Variants in VPS13A observed in about 807,000 individuals in gnomAD.
The protein encoded by VPS13A is vacuolar protein sorting 13 homolog A, also known as intermembrane lipid transfer protein VPS13A.
A neutral mutation model predicts 390.9 loss-of-function variants in VPS13A; 264 were observed. That is an observed-to-expected ratio of 0.68 (90% CI 0.61 to 0.75). VPS13A has a LOEUF of 0.75. Ranked by LOEUF, VPS13A falls within the 30% of genes least tolerant of loss-of-function variation. The pLI, the probability that VPS13A is intolerant of heterozygous loss-of-function variation, is 0.00. For missense variants in VPS13A, 3,409 were observed against 3,733.9 expected, an observed-to-expected ratio of 0.91 and a Z score of 2.27; for synonymous variants, 1,231 against 1,227.1, an observed-to-expected ratio of 1.00 and a Z score of -0.07.
intron 58 of VPS13A, 109 bp from the exon 59 acceptor site, chr9:77,360,427 C>T (rs1045294362): frequency 2.5e-6 from 2 of 815,560 alleles, no homozygotes; most frequent in Non-Finnish European, 4.1e-6. Context: ...CTAAATAGTC[C>T]TAAGTTTCAA....
intron 23 of VPS13A, among the ~76,000 whole-genome samples, chr9:77,270,239 G>A (rs573535062): frequency 1.9e-3 from 292 of 152,244 alleles, no homozygotes; most frequent in Non-Finnish European, 3.3e-3. Flanking sequence ...AGATTCTATC[G>A]TTTAATAAAT....
intron 1 of VPS13A, among the ~76,000 whole-genome samples, chr9:77,197,578 A>C (rs1445422170): frequency 6.6e-6 from 1 of 152,100 alleles, no homozygotes; most frequent in Non-Finnish European, 1.5e-5. Flanking sequence ...TATAGGTTGA[A>C]TATGCCTTAT....
At chr9:77,230,089 A>G (rs1014418472) in intron 17 of VPS13A, among the ~76,000 whole-genome samples, 4 of 151,898 alleles carry the variant, frequency 2.6e-5, no homozygotes, top group African/African-American at 4.8e-5. Context: ...AGAAATGTCT[A>G]TTAGATTTTT....
At position 77,247,380 on chromosome 9, in the gene VPS13A, C is replaced by T. The variant is rs1490750118; in HGVS notation, c.2022C>T (p.Asp674=). 6.2e-7 allele frequency: 1 copy of T among 1,611,940 alleles called. No homozygotes were observed. Among genetic ancestry groups the T allele is most frequent in the Non-Finnish European group, 8.5e-7 (1 of 1,178,990 alleles). The change falls in exon 20 of 72, where the codon GAC becomes GAT. Residue 674 remains aspartate (D), a synonymous_variant. Transcript: ENST00000360280. The stretch of plus-strand genomic sequence containing the variant: ...CTACATCAAATCTGCTTCTTTTGGA[C>T]CTTGGTCATCTAAAGGTATATACTA... ...FSPTSNLLLL[D]LGHLKVTSKS...
At chr9:77,250,399 C>G (rs1037920977) in intron 21 of VPS13A, among the ~76,000 whole-genome samples, 170 bp downstream of exon 21, 10 of 152,162 alleles carry the variant, frequency 6.6e-5, no homozygotes, top group Non-Finnish European at 1.5e-4. Flanking sequence ...CTTGCCCCCC[C>G]AAGAGACATT....
chr9:77,290,591 TCCC>T (rs1827594245), intron 31 of VPS13A, among the ~76,000 whole-genome samples: 1 of 152,118 alleles, frequency 6.6e-6, no homozygotes, highest in African/African-American at 2.4e-5. Context: ...CTGTTTATAG[TCCC>T]ACAGCCTTTG....
intron 67 of VPS13A, among the ~76,000 whole-genome samples, chr9:77,379,526 C>T (rs185421472): frequency 6.6e-6 from 1 of 152,206 alleles, no homozygotes; most frequent in Non-Finnish European, 1.5e-5. Flanking sequence ...AGGAATGAGC[C>T]ACCACGCCCG....
intron 68 of VPS13A, chr9:77,382,444 G>T: frequency 7.2e-7 from 1 of 1,387,524 alleles, no homozygotes; most frequent in Non-Finnish European, 9.3e-7. Context: ...TAATGAATCT[G>T]GTTTTTTTAT....
chr9:77,288,213 C>T (rs528897975), intron 31 of VPS13A, among the ~76,000 whole-genome samples: 23 of 152,088 alleles, frequency 1.5e-4, no homozygotes, highest in Non-Finnish European at 2.2e-4. Flanking sequence ...GCCTGGTTAA[C>T]GATGTATCGA....
intron 59 of VPS13A, among the ~76,000 whole-genome samples, chr9:77,363,934 A>C (rs1401635016): frequency 6.6e-6 from 1 of 152,168 alleles, no homozygotes. Flanking sequence ...CTTCTATTTG[A>C]GTAACACCCC....
intron 31 of VPS13A, among the ~76,000 whole-genome samples, chr9:77,292,594 C>G (rs12551400): frequency 0.27 from 41,073 of 151,960 alleles, 6,642 homozygotes; most frequent in East Asian, 0.51. Context: ...TCACTTATAC[C>G]TCTGGTTCTG....
chr9:77,316,256 A>C lies in VPS13A; in HGVS notation c.4713A>C (p.Lys1571Asn). The change falls in exon 39 of 72, where the codon AAA (lysine) becomes AAC (asparagine). Residue 1571 changes from lysine to asparagine, a missense_variant. This residue lies in a region of VPS13A where 2,717 missense variants were observed against 2,917.4 expected (regional missense o/e 0.93). Transcript: ENST00000360280. ...PEIVFVADMT[K>N]NDAPALVITT... Reference sequence around the variant, plus strand: ...TTGTGTTTGTAGCTGACATGACAAAAAATGATGCTCCTGCTTTAGTCATTA... The same window carrying C: ...TTGTGTTTGTAGCTGACATGACAAACAATGATGCTCCTGCTTTAGTCATTA... The C allele has an allele frequency of 6.2e-7, 1 of 1,613,330 alleles. No individual in the cohort carries two copies. The highest frequency in any genetic ancestry group is 8.5e-7 in the Non-Finnish European group (1 of 1,179,456).
chr9:77,217,298 C>T (rs902222765), intron 10 of VPS13A, among the ~76,000 whole-genome samples: 1 of 152,146 alleles, frequency 6.6e-6, no homozygotes, highest in Admixed American at 6.5e-5. Context: ...TGAAGCTCAG[C>T]ATTTGATGTT....
intron 1 of VPS13A, among the ~76,000 whole-genome samples, chr9:77,195,731 C>T (rs956797551): frequency 6.6e-6 from 1 of 151,390 alleles, no homozygotes; most frequent in African/African-American, 2.4e-5. Context: ...AGCGAGACTC[C>T]GTCTCAAAAA....
rs761096690 is a variant in VPS13A at position 77,344,146 on chromosome 9, A to G, written c.7027-7A>G. 12 of 1,579,102 alleles carry G rather than the reference A, an allele frequency of 7.6e-6. No individual in the cohort carries two copies. Among genetic ancestry groups the G allele is most frequent in the African/African-American group, 2.7e-5 (2 of 74,058 alleles). ...ATTTTTATAAACATATATAATGTATATTTTAGTGTATCCCCTTTTGGCCTG... is the reference window on the plus strand; with the variant it reads ...ATTTTTATAAACATATATAATGTATGTTTTAGTGTATCCCCTTTTGGCCTG... On this transcript the variant is annotated splice_region_variant and splice_polypyrimidine_tract_variant and intron_variant, in intron 50 of 71. Coordinates refer to ENST00000360280, the MANE Select transcript of VPS13A (RefSeq NM_033305.3).
At chr9:77,248,089 C>T (rs951185977) in intron 20 of VPS13A, among the ~76,000 whole-genome samples, 11 of 152,030 alleles carry the variant, frequency 7.2e-5, no homozygotes, top group African/African-American at 2.2e-4. Flanking sequence ...CAATCAAATA[C>T]GTCTTCATCT....
rs544196761 is a variant in VPS13A at position 77,419,904 on chromosome 9, G to A, written c.*3898G>A. 110 of 152,296 alleles carry A rather than the reference G, an allele frequency of 7.2e-4. No individual in the cohort carries two copies. Among genetic ancestry groups the A allele is most frequent in the African/African-American group, 2.3e-3 (94 of 41,566 alleles). The allele number at this position is 152,296 out of a possible 1,614,324, so 9.4% of individuals were successfully genotyped here. On this transcript the variant is annotated 3_prime_UTR_variant, in exon 72 of 72. Coordinates refer to ENST00000360280, the MANE Select transcript of VPS13A (RefSeq NM_033305.3). ...CATTCTGGTAGGGCCAAAATATTCA[G>A]TGTCTGGGGGGTGCTATGCAAATAT... is the stretch of plus-strand genomic sequence containing the variant.
chr9:77,233,487 T>C (rs1823957754), intron 17 of VPS13A, among the ~76,000 whole-genome samples: 1 of 152,148 alleles, frequency 6.6e-6, no homozygotes, highest in South Asian at 2.1e-4. Flanking sequence ...CTTTAAAGTG[T>C]AAAGTGAGGT....
At chr9:77,304,889 A>G (rs999777567) in intron 34 of VPS13A, among the ~76,000 whole-genome samples, 19 of 152,050 alleles carry the variant, frequency 1.2e-4, no homozygotes, top group African/African-American at 4.6e-4. Flanking sequence ...CTTTCTGTAA[A>G]AATTTTATTG....
Sources: allele counts gnomAD v4.1 joint callset (sites outside exome capture counted in the v4.1 genomes callset), GRCh38; gene constraint gnomAD v4.1.1; regional missense constraint gnomAD v4.1.1; transcripts MANE v1.5; gene names NCBI Gene and HGNC (gene_info 2026-07-23, HGNC 2026-07-21).